CLVS1: variants seen among roughly 807,000 people sequenced by gnomAD.
CLVS1 encodes clavesin 1, also known as clavesin-1.
In CLVS1, 10 loss-of-function variants were observed where a neutral mutation model predicts 33.1. The observed-to-expected ratio is 0.30, with a 90% CI of 0.19 to 0.51. The LOEUF is 0.51. Among genes scored for constraint, CLVS1 ranks in the 20% least tolerant of loss-of-function variants. The probability of loss-of-function intolerance (pLI) is 0.97; values close to 1 mark genes in which losing one functional copy is unlikely to be tolerated. For missense variants in CLVS1, 343 were observed against 433.4 expected, an observed-to-expected ratio of 0.79 and a Z score of 1.85; for synonymous variants, 163 against 166.1, an observed-to-expected ratio of 0.98 and a Z score of 0.14.
chr8:61,220,498 G>T (rs368854447), intron 2 of CLVS1, among the ~76,000 whole-genome samples: 2 of 152,206 alleles, frequency 1.3e-5, no homozygotes, highest in African/African-American at 4.8e-5. Context: ...TGAGGTCTCT[G>T]TTCTGCTCCA....
intron 2 of CLVS1, among the ~76,000 whole-genome samples, chr8:61,339,757 G>A (rs1386570773): frequency 4.7e-5 from 7 of 148,782 alleles, no homozygotes; most frequent in Non-Finnish European, 1.0e-4. Flanking sequence ...GAAGGAGGGA[G>A]GGAGAAAGAG....
intron 5 of CLVS1, among the ~76,000 whole-genome samples, chr8:61,459,178 C>T (rs1270063707): frequency 6.6e-6 from 1 of 151,792 alleles, no homozygotes; most frequent in Non-Finnish European, 1.5e-5. Flanking sequence ...GGTAAAAAGG[C>T]GTGCAAGGGT....
the CLVS1 span, among the ~76,000 whole-genome samples, chr8:61,004,273 T>G: frequency 6.6e-6 from 1 of 152,338 alleles, no homozygotes; most frequent in East Asian, 1.9e-4. Flanking sequence ...GACTGGGAGC[T>G]CATTCTGTTC....
intron 1 of CLVS1, among the ~76,000 whole-genome samples, chr8:61,078,093 C>G (rs2129281955): frequency 6.6e-6 from 1 of 152,280 alleles, no homozygotes; most frequent in African/African-American, 2.4e-5. Context: ...GCAGGCTTCC[C>G]TGGGTCAGGA....
chr8:60,969,652 G>A, the CLVS1 span, among the ~76,000 whole-genome samples: 3 of 152,012 alleles, frequency 2.0e-5, no homozygotes, highest in South Asian at 6.2e-4. Flanking sequence ...GGGCTGTTAG[G>A]ATTTTATTTT....
At chr8:61,018,795 TA>T in the CLVS1 span, among the ~76,000 whole-genome samples, 5 of 152,246 alleles carry the variant, frequency 3.3e-5, no homozygotes, top group African/African-American at 1.2e-4. Context: ...AGGGGTTTTC[TA>T]CATTTACCTC....
intron 2 of CLVS1, among the ~76,000 whole-genome samples, chr8:61,336,990 G>T (rs528389509): frequency 6.6e-6 from 1 of 152,300 alleles, no homozygotes; most frequent in South Asian, 2.1e-4. Flanking sequence ...ACTGGTTTTT[G>T]TGGGAAATTC....
At chr8:61,127,057 G>T (rs905399872) in intron 1 of CLVS1, among the ~76,000 whole-genome samples, 1 of 152,076 alleles carries the variant, frequency 6.6e-6, no homozygotes, top group Non-Finnish European at 1.5e-5. Context: ...CCACAGTATA[G>T]GAATTTTCCA....
intron 1 of CLVS1, among the ~76,000 whole-genome samples, chr8:61,065,693 T>C (rs1804665682): frequency 6.6e-6 from 1 of 152,194 alleles, no homozygotes; most frequent in Non-Finnish European, 1.5e-5. Flanking sequence ...TAAGAAGCAA[T>C]AGGCAAGCTT....
the CLVS1 span, among the ~76,000 whole-genome samples, chr8:61,007,858 C>A: frequency 6.6e-5 from 10 of 152,124 alleles, no homozygotes; most frequent in Non-Finnish European, 1.3e-4. Context: ...CAGGGCCATG[C>A]GCTCGGAACA....
intron 2 of CLVS1, among the ~76,000 whole-genome samples, chr8:61,240,409 C>T (rs577748399): frequency 6.6e-6 from 1 of 152,310 alleles, no homozygotes; most frequent in South Asian, 2.1e-4. Flanking sequence ...GGGCTTCCTC[C>T]TTCCTGTGAC....
intron 5 of CLVS1, among the ~76,000 whole-genome samples, chr8:61,481,756 A>G (rs1211161994): frequency 5.3e-5 from 8 of 152,186 alleles, no homozygotes; most frequent in Admixed American, 5.2e-4. Context: ...CCCTCTGTAG[A>G]TTCCACCTCT....
chr8:61,248,669 T>G (rs776721857), intron 2 of CLVS1, among the ~76,000 whole-genome samples: 1 of 152,096 alleles, frequency 6.6e-6, no homozygotes, highest in Non-Finnish European at 1.5e-5. Flanking sequence ...TATGACAGTA[T>G]GTACAATGTA....
intron 2 of CLVS1, among the ~76,000 whole-genome samples, chr8:61,235,922 A>G (rs1039004785): frequency 6.6e-6 from 1 of 152,206 alleles, no homozygotes; most frequent in African/African-American, 2.4e-5. Context: ...GCAGTGTAAC[A>G]TCTGGCACAT....
At chr8:61,485,476 A>T (rs1803842740) in intron 5 of CLVS1, among the ~76,000 whole-genome samples, 1 of 152,238 alleles carries the variant, frequency 6.6e-6, no homozygotes, top group Admixed American at 6.5e-5. Flanking sequence ...GAGAAATAGG[A>T]ATGCTTTTAC....
At chr8:61,232,059 G>C (rs1808457878) in intron 2 of CLVS1, among the ~76,000 whole-genome samples, 1 of 49,086 alleles carries the variant, frequency 2.0e-5, no homozygotes, top group Admixed American at 2.5e-4. Flanking sequence ...TTGTGAGATG[G>C]AGTCTCGCTC....
intron 2 of CLVS1, among the ~76,000 whole-genome samples, chr8:61,360,614 T>G (rs949242906): frequency 6.6e-6 from 1 of 152,200 alleles, no homozygotes; most frequent in African/African-American, 2.4e-5. Context: ...CAGAAGAAGT[T>G]TCTGTTTTGT....
At chr8:61,368,340 G>A (rs1005351952) in intron 2 of CLVS1, among the ~76,000 whole-genome samples, 12 of 152,226 alleles carry the variant, frequency 7.9e-5, no homozygotes, top group African/African-American at 2.9e-4. Context: ...TCTATATCCA[G>A]AGATGGATAG....
the CLVS1 span, among the ~76,000 whole-genome samples, chr8:61,013,149 T>C: frequency 6.6e-6 from 1 of 152,208 alleles, no homozygotes; most frequent in Admixed American, 6.5e-5. Flanking sequence ...GTGGGCTGTT[T>C]TCCTGCCTCG....
Sources: allele counts gnomAD v4.1 joint callset (sites outside exome capture counted in the v4.1 genomes callset), GRCh38; gene constraint gnomAD v4.1.1; transcripts MANE v1.5; gene names NCBI Gene and HGNC (gene_info 2026-07-23, HGNC 2026-07-21).